The following NBEA variants were observed in gnomAD, a reference collection of about 807,000 sequenced individuals.
NBEA encodes neurobeachin.
In NBEA, 44 loss-of-function variants were observed where a neutral mutation model predicts 343.4. That is an observed-to-expected ratio of 0.13 (90% CI 0.10 to 0.16). The LOEUF is 0.16. Among genes scored for constraint, NBEA ranks in the 10% least tolerant of loss-of-function variants. The pLI is 1.00. For missense variants in NBEA, 2,555 were observed against 3,631.3 expected, an observed-to-expected ratio of 0.70 and a Z score of 7.62; for synonymous variants, 1,175 against 1,238.7, an observed-to-expected ratio of 0.95 and a Z score of 1.08.
intron 41 of NBEA, among the ~76,000 whole-genome samples, chr13:35,482,790 G>A (rs189603600): frequency 1.3e-5 from 2 of 151,662 alleles, no homozygotes; most frequent in East Asian, 3.9e-4. Flanking sequence ...CCATATGATT[G>A]TGCCATTCTA....
intron 36 of NBEA, among the ~76,000 whole-genome samples, chr13:35,346,761 G>A (rs1045098712): frequency 3.3e-5 from 5 of 152,066 alleles, no homozygotes; most frequent in Admixed American, 1.3e-4. Context: ...TGTCAGAACC[G>A]TTCCCACTGG....
rs536850385 is a variant in NBEA, at chr13:35,295,572, C to G, written c.5838+5122C>G. ...AAAGTTAAACAGGAAGGTGAAAATA[C>G]AGTGAGGCATAAAGATTATAGTCAC... On this transcript the variant is annotated intron_variant, in intron 35 of 58. Transcript: ENST00000379939. Among the ~76,000 whole-genome samples, 21 of 152,114 alleles carry G rather than the reference C, an allele frequency of 1.4e-4. No individual in the cohort carries two copies. The East Asian group carries it at 2.9e-3, about 21-fold the overall frequency.
chr13:35,640,689 G>A (rs529539423), intron 49 of NBEA, among the ~76,000 whole-genome samples: 2 of 152,204 alleles, frequency 1.3e-5, no homozygotes, highest in South Asian at 4.1e-4. Context: ...AAGAGAAAGT[G>A]TCCCTAATCG....
chr13:35,055,216 A>G (rs191561527), intron 6 of NBEA, among the ~76,000 whole-genome samples: 4 of 152,244 alleles, frequency 2.6e-5, no homozygotes, highest in Admixed American at 2.0e-4. Flanking sequence ...GTATTTTTCT[A>G]TACTTTAGAA....
chr13:35,430,572 G>A (rs1409585316), intron 38 of NBEA, among the ~76,000 whole-genome samples: 2 of 152,010 alleles, frequency 1.3e-5, no homozygotes, highest in African/African-American at 4.8e-5. Flanking sequence ...ATTTGTATGG[G>A]GTTTCAGGTC....
intron 34 of NBEA, chr13:35,251,117 A>G (rs1042200719): frequency 9.6e-6 from 2 of 207,482 alleles, no homozygotes; most frequent in Non-Finnish European, 2.0e-5. Flanking sequence ...TGCCTTCTAT[A>G]ATGTGGATGC....
At chr13:34,993,532 G>C (rs2060833709) in intron 1 of NBEA, among the ~76,000 whole-genome samples, 1 of 152,176 alleles carries the variant, frequency 6.6e-6, no homozygotes, top group Non-Finnish European at 1.5e-5. Context: ...CTAATTTTCA[G>C]TAAGGAATAA....
intron 38 of NBEA, among the ~76,000 whole-genome samples, chr13:35,406,295 A>G (rs2043262904): frequency 7.0e-5 from 2 of 28,704 alleles, no homozygotes; most frequent in Non-Finnish European, 1.9e-4. Flanking sequence ...CCTCAGCCAA[A>G]TCTTTTTTTT....
At chr13:35,650,670 C>G (rs2084474408) in intron 52 of NBEA, among the ~76,000 whole-genome samples, 1 of 152,186 alleles carries the variant, frequency 6.6e-6, no homozygotes. Flanking sequence ...CCACTGCACT[C>G]CAGCCTGGAC....
At position 34,942,666 on chromosome 13, in the gene NBEA, G is replaced by C; in HGVS notation, c.-155G>C. 2.3e-6 allele frequency: 1 copy of C among 442,744 alleles called. No individual in the cohort carries two copies. The highest frequency in any genetic ancestry group is 3.6e-6 in the Non-Finnish European group (1 of 277,342). The allele number at this position is 442,744 out of a possible 1,614,324, so 27.4% of individuals were successfully genotyped here. On this transcript the variant is annotated 5_prime_UTR_variant, in exon 1 of 59. Transcript: ENST00000379939. ...GCGGGGGAGAGCGCCGGAGCGGGCCGGGCTGAGGCGCAGGCGGGGAGCGGG... is the reference window on the plus strand; with the variant it reads ...GCGGGGGAGAGCGCCGGAGCGGGCCCGGCTGAGGCGCAGGCGGGGAGCGGG...
chr13:35,268,373 G>A lies in NBEA; in HGVS notation c.5777-22016G>A, dbSNP rs960469914. On this transcript the variant is annotated intron_variant, in intron 34 of 58. Coordinates refer to ENST00000379939, the MANE Select transcript of NBEA (RefSeq NM_001385012.1). ...AGGGAGTGGGGAATGGGGAGTTACT[G>A]TTTAATGGGTGTAAAGTTTCAGTTT... is the stretch of plus-strand genomic sequence containing the variant. Among the ~76,000 whole-genome samples the A allele has an allele frequency of 3.3e-5, 5 of 151,988 alleles. No individual in the cohort carries two copies. The South Asian group carries it at 1.0e-3, about 32-fold the overall frequency.
At chr13:35,419,820 T>C (rs548249950) in intron 38 of NBEA, among the ~76,000 whole-genome samples, 4 of 151,826 alleles carry the variant, frequency 2.6e-5, no homozygotes, top group African/African-American at 9.7e-5. Flanking sequence ...TAACCTGAGG[T>C]GCAGTCTAAA....
At chr13:35,340,595 C>T (rs551018200) in intron 36 of NBEA, among the ~76,000 whole-genome samples, 6 of 152,018 alleles carry the variant, frequency 3.9e-5, no homozygotes, top group African/African-American at 1.4e-4. Context: ...CTTAACTGTA[C>T]AATTAAATGC....
chr13:35,607,723 A>T (rs1425995545), intron 48 of NBEA, among the ~76,000 whole-genome samples: 1 of 152,044 alleles, frequency 6.6e-6, no homozygotes, highest in East Asian at 1.9e-4. Context: ...TTGAAATATA[A>T]TTCATATCCT....
intron 36 of NBEA, among the ~76,000 whole-genome samples, chr13:35,338,763 C>T (rs927864242): frequency 1.3e-5 from 2 of 151,952 alleles, no homozygotes; most frequent in East Asian, 3.9e-4. Context: ...ACTGGCAGAT[C>T]TACGTCAGCA....
At chr13:35,054,464 G>A (rs745694701) in intron 6 of NBEA, among the ~76,000 whole-genome samples, 26 of 151,854 alleles carry the variant, frequency 1.7e-4, no homozygotes, top group Non-Finnish European at 3.2e-4. Flanking sequence ...TCAAGTGAAA[G>A]ACTTAGTTTC....
intron 47 of NBEA, among the ~76,000 whole-genome samples, chr13:35,595,389 C>T (rs1215077044): frequency 6.6e-6 from 1 of 151,904 alleles, no homozygotes; most frequent in Non-Finnish European, 1.5e-5. Context: ...GCTCATTTCC[C>T]CAGGATGACA....
chr13:35,038,210 T>C (rs537023469), intron 1 of NBEA, among the ~76,000 whole-genome samples: 6 of 152,162 alleles, frequency 3.9e-5, no homozygotes, highest in African/African-American at 1.4e-4. Flanking sequence ...GACCAAGGGC[T>C]CTTCTATCAG....
At chr13:35,241,485 T>C (rs1375107306) in intron 34 of NBEA, among the ~76,000 whole-genome samples, 1 of 151,692 alleles carries the variant, frequency 6.6e-6, no homozygotes, top group Non-Finnish European at 1.5e-5. Context: ...TAGGAAAATA[T>C]CTGTAATACC....
Sources: allele counts gnomAD v4.1 joint callset (sites outside exome capture counted in the v4.1 genomes callset), GRCh38; gene constraint gnomAD v4.1.1; transcripts MANE v1.5; gene names NCBI Gene and HGNC (gene_info 2026-07-23, HGNC 2026-07-21).